The following RAB36 variants were observed in gnomAD, a reference collection of about 807,000 sequenced individuals.
RAB36 encodes ras-related protein Rab-36.
Under a neutral mutation model 39.3 loss-of-function variants are expected in RAB36, and 33 were observed. The observed-to-expected ratio is 0.84, with a 90% CI of 0.64 to 1.12. The LOEUF (loss-of-function observed/expected upper bound fraction) is 1.12, where lower values mean the gene tolerates loss of function less well. Among genes scored for constraint, RAB36 ranks in the 50% most tolerant of loss-of-function variants. The pLI, the probability that RAB36 is intolerant of heterozygous loss-of-function variation, is 0.00. For missense variants in RAB36, 308 were observed against 355.3 expected (o/e 0.87, Z 1.07); for synonymous variants, 133 against 140.2 (o/e 0.95, Z 0.36).
intron 2 of RAB36, among the ~76,000 whole-genome samples, chr22:23,149,500 T>A (rs577152685): frequency 2.0e-4 from 31 of 152,286 alleles, no homozygotes; most frequent in Non-Finnish European, 3.4e-4. Flanking sequence ...TCCAGGCACA[T>A]GTATGCATGT....
intron 10 of RAB36, among the ~76,000 whole-genome samples, chr22:23,161,199 A>G (rs1601950465): frequency 6.6e-6 from 1 of 151,940 alleles, no homozygotes; most frequent in East Asian, 1.9e-4. Context: ...CACCCTCCCT[A>G]GCCCTCCCTG....
chr22:23,146,112 C>A (rs2070756407), intron 1 of RAB36: 3 of 776,906 alleles, frequency 3.9e-6, no homozygotes, highest in Non-Finnish European at 4.7e-6. Flanking sequence ...CAGGGTGGGG[C>A]AGGCCTGGTT....
In RAB36 at chr22:23,165,211, G is replaced by A. The variant is rs1276865373; in HGVS notation, c.*3647G>A. On this transcript the variant is annotated 3_prime_UTR_variant, in exon 11 of 11. Transcript: ENST00000263116. ...TCAATAGATGTGTAAAGAAGGCAGG[G>A]AAGCAAGAAGGTTGCTCAAACAAGA... Among the ~76,000 whole-genome samples, 1 of 152,234 alleles carries A rather than the reference G, an allele frequency of 6.6e-6. No homozygotes were observed. The highest frequency in any genetic ancestry group is 1.5e-5 in the Non-Finnish European group (1 of 68,036).
intron 3 of RAB36, among the ~76,000 whole-genome samples, chr22:23,151,143 C>G (rs1039379935): frequency 5.9e-5 from 9 of 152,198 alleles, no homozygotes; most frequent in Admixed American, 5.2e-4. Context: ...GCTAGAGGTT[C>G]CCAAACTGCA....
intron 5 of RAB36, among the ~76,000 whole-genome samples, chr22:23,154,215 C>T (rs1247204406): frequency 1.3e-5 from 2 of 152,262 alleles, no homozygotes; most frequent in East Asian, 1.9e-4. Flanking sequence ...GAGACCCTTC[C>T]GTGCTCCCCT....
At chr22:23,165,884 T>C (rs6003530), downstream of RAB36, among the ~76,000 whole-genome samples, 847 of 152,200 alleles carry the variant, frequency 5.6e-3, 7 homozygotes, top group African/African-American at 0.018. Context: ...CAGTGGCTCA[T>C]GCCTGTAATC....
At chr22:23,146,051 C>T (rs992514754) in intron 1 of RAB36, 56 of 979,634 alleles carry the variant, frequency 5.7e-5, no homozygotes, top group Non-Finnish European at 6.3e-5. Context: ...AGGGGAGCTC[C>T]TCCTTGGTAG....
Position 23,161,549 on chromosome 22 carries a change from C to T in RAB36, c.789C>T (p.Ser263=). ...PETQESKRPS[S]LGCC ...CCCAGGAGAGCAAGAGGCCCTCCAG[C>T]CTGGGCTGCTGCTAACTGGGGCCTG... Residue 263 remains serine (S), a synonymous_variant, in exon 11 of 11, where the codon AGC becomes AGT. Transcript: ENST00000263116. 6.2e-7 allele frequency: 1 copy of T among 1,611,594 alleles called. No homozygotes were observed. Among genetic ancestry groups the T allele is most frequent in the Non-Finnish European group, 8.5e-7 (1 of 1,179,044 alleles).
In RAB36 at chr22:23,146,693, G is replaced by A; in HGVS notation, c.69+8G>A. 1.2e-6 allele frequency: 2 copies of A among 1,613,618 alleles called. No homozygotes were observed. The highest frequency in any genetic ancestry group is 1.7e-6 in the Non-Finnish European group (2 of 1,179,732). On this transcript the variant is annotated splice_region_variant and intron_variant, in intron 2 of 10. Coordinates refer to ENST00000263116, the MANE Select transcript of RAB36 (RefSeq NM_004914.5). ...ATCGCCAGCTTCCCTAAGGTAGAGAGTCATTACGTCTGCAGTGCTCTCCTG... is the reference window on the plus strand; with the variant it reads ...ATCGCCAGCTTCCCTAAGGTAGAGAATCATTACGTCTGCAGTGCTCTCCTG...
At chr22:23,168,030 T>A (rs969684264), downstream of RAB36, among the ~76,000 whole-genome samples, 8 of 152,248 alleles carry the variant, frequency 5.3e-5, no homozygotes, top group East Asian at 1.9e-4. Context: ...ATTTTTTTTT[T>A]AATTTCACAG....
intron 3 of RAB36, 116 bp downstream of exon 3, chr22:23,150,270 G>A: frequency 1.3e-6 from 1 of 784,802 alleles, no homozygotes; most frequent in Non-Finnish European, 2.1e-6. Context: ...GCCCTGTACA[G>A]GCCTGAAGAT....
rs764301848 is a variant in RAB36, at chr22:23,161,017, G to GC, written c.739+19_739+20insC. On this transcript the variant is annotated intron_variant, in intron 10 of 10. Transcript: ENST00000263116. The stretch of plus-strand genomic sequence containing the variant: ...CTAATCCGTGAGTATAGGTGTGACT[G>GC]GGTTGGGCTGGGGAGTAGGCTGGAG... 4.9e-5 allele frequency: 78 copies of GC among 1,586,346 alleles called. No homozygotes were observed. The South Asian group carries it at 7.8e-4, about 16-fold the overall frequency.
At chr22:23,145,769 G>C (rs1470374471) in intron 1 of RAB36, among the ~76,000 whole-genome samples, 1 of 152,262 alleles carries the variant, frequency 6.6e-6, no homozygotes, top group East Asian at 1.9e-4. Context: ...GATGCGGGAA[G>C]ACAACCGGAC....
At position 23,153,028 on chromosome 22, in the gene RAB36, C is replaced by T. The variant is rs1395625658; in HGVS notation, c.228-5C>T. 3.1e-6 allele frequency: 5 copies of T among 1,611,386 alleles called. No homozygotes were observed. The highest frequency in any genetic ancestry group is 1.7e-5 in the Admixed American group (1 of 59,976). On this transcript the variant is annotated splice_region_variant and splice_polypyrimidine_tract_variant and intron_variant, in intron 4 of 10. Transcript: ENST00000263116. ...CCCCTGTGACGACTTCCTCATCCCCCACAGGTTTTGCAAGAATGTTTTTGA... is the reference window on the plus strand; with the variant it reads ...CCCCTGTGACGACTTCCTCATCCCCTACAGGTTTTGCAAGAATGTTTTTGA...
rs1601912668 is a variant in RAB36, at chr22:23,153,123, T to C, written c.318T>C (p.Tyr106=). ...IERFEIAGIP[Y]SLQIWDTAGQ... is the part of the protein sequence containing the mutation. Reference sequence around the variant, plus strand: ...GCTTTGAGATTGCTGGGATTCCCTATAGCCTCCAGATGTAAGTTGCTGGTT... The same window carrying C: ...GCTTTGAGATTGCTGGGATTCCCTACAGCCTCCAGATGTAAGTTGCTGGTT... Residue 106 remains tyrosine (Y), a synonymous_variant, in exon 5 of 11, where the codon TAT becomes TAC. Transcript: ENST00000263116. 21 of 1,613,506 alleles carry C rather than the reference T, an allele frequency of 1.3e-5. No homozygotes were observed. In the East Asian group the frequency reaches 4.7e-4, roughly 36 times the overall value.
In RAB36 at chr22:23,158,885, C is replaced by T. The variant is rs2071615018; in HGVS notation, c.447-13C>T. The T allele has an allele frequency of 3.1e-6, 5 of 1,613,100 alleles. No individual in the cohort carries two copies. Among genetic ancestry groups the T allele is most frequent in the South Asian group, 1.1e-5 (1 of 91,058 alleles). ...GATGGGTGAATCTCTCAGCCTCTCT[C>T]CTTACACTCCAGGCAGTGGTTGGAG... On this transcript the variant is annotated splice_polypyrimidine_tract_variant and intron_variant, in intron 7 of 10. Transcript: ENST00000263116.
chr22:23,146,174 C>T (rs1940277438), intron 1 of RAB36: 1 of 255,454 alleles, frequency 3.9e-6, no homozygotes, highest in Non-Finnish European at 6.1e-6. Flanking sequence ...TGGCCTCTGC[C>T]CCATATTCCT....
At chr22:23,167,214 C>T (rs1008369298), downstream of RAB36, among the ~76,000 whole-genome samples, 2 of 152,196 alleles carry the variant, frequency 1.3e-5, no homozygotes, top group African/African-American at 4.8e-5. Context: ...CCCCAGCACA[C>T]TGCCACCCAG....
downstream of RAB36, among the ~76,000 whole-genome samples, chr22:23,166,604 C>G (rs535341786): frequency 6.6e-6 from 1 of 152,130 alleles, no homozygotes; most frequent in Non-Finnish European, 1.5e-5. Context: ...ATTCCCTTAC[C>G]GTCCTGGTGG....
Sources: gnomAD v4.1 joint callset for allele counts (sites outside exome capture counted in the v4.1 genomes callset) on GRCh38, gnomAD v4.1.1 for gene constraint, MANE v1.5 for transcripts, NCBI Gene and HGNC (gene_info 2026-07-23, HGNC 2026-07-21) for gene names.